PIK3CD: variants seen among roughly 807,000 people sequenced by gnomAD.
PIK3CD encodes phosphatidylinositol-4,5-bisphosphate 3-kinase catalytic subunit delta, also known as phosphatidylinositol 4,5-bisphosphate 3-kinase catalytic subunit delta isoform.
In PIK3CD, 20 loss-of-function variants were observed where a neutral mutation model predicts 122.9. The observed-to-expected ratio is 0.16, with a 90% confidence interval of 0.11 to 0.24. PIK3CD has a LOEUF of 0.24. Ranked by LOEUF, PIK3CD falls within the 10% of genes least tolerant of loss-of-function variation. PIK3CD has a pLI of 1.00. For synonymous variants in PIK3CD, 596 were observed against 593.4 expected, an observed-to-expected ratio of 1.00 and a Z score of -0.06; for missense variants, 787 against 1,406.3, an observed-to-expected ratio of 0.56 and a Z score of 7.04.
rs1016061025 is a variant in PIK3CD, at chr1:9,718,276, G to A, written c.1021-418G>A. On this transcript the variant is annotated intron_variant, in intron 8 of 23. Coordinates refer to ENST00000377346, the MANE Select transcript of PIK3CD (RefSeq NM_005026.5). This position sits in a 1 kb window ranked among gnomAD's most constrained non-coding sequence, Gnocchi z 7.2. The stretch of plus-strand genomic sequence containing the variant: ...TCAGAGGGACTTCCAGGGTGGTGGT[G>A]TCAGGTGGAATTGGAAGGGGCCGGA... 1 of 465,242 alleles carries A rather than the reference G, an allele frequency of 2.1e-6. No individual in the cohort carries two copies. Among genetic ancestry groups the A allele is most frequent in the Non-Finnish European group, 4.3e-6 (1 of 235,242 alleles). 28.8% of individuals were successfully genotyped at this position (465,242 alleles called of 1,614,324 possible).
At chr1:9,726,299 G>A (rs1649575818) in intron 23 of PIK3CD, among the ~76,000 whole-genome samples, 2 of 152,242 alleles carry the variant, frequency 1.3e-5, no homozygotes, top group Non-Finnish European at 1.5e-5. Flanking sequence ...ATGAGGTCAG[G>A]AGATCGAGAC....
chr1:9,707,277 C>A (rs886369850), intron 2 of PIK3CD, among the ~76,000 whole-genome samples: 3 of 151,496 alleles, frequency 2.0e-5, no homozygotes, highest in Non-Finnish European at 2.9e-5. Flanking sequence ...AAAGTAGAAA[C>A]CAGCCTTCAT....
chr1:9,663,594 T>G (rs1342502938), intron 1 of PIK3CD, among the ~76,000 whole-genome samples: 2 of 151,928 alleles, frequency 1.3e-5, no homozygotes, highest in Non-Finnish European at 2.9e-5. Context: ...TTAATATTTT[T>G]TTATTATACT....
At chr1:9,663,221 G>A (rs1010506774) in intron 1 of PIK3CD, among the ~76,000 whole-genome samples, 3 of 152,140 alleles carry the variant, frequency 2.0e-5, no homozygotes, top group Admixed American at 6.6e-5. Context: ...CCCAGTCGTA[G>A]TCCCCAGGGC....
intron 1 of PIK3CD, among the ~76,000 whole-genome samples, chr1:9,686,461 C>T (rs1645970866): frequency 6.6e-6 from 1 of 151,820 alleles, no homozygotes; most frequent in South Asian, 2.1e-4. Context: ...CTCGGCCTCG[C>T]AAAGTGCTGA....
In PIK3CD at chr1:9,715,546, G is replaced by T; in HGVS notation, c.147G>T (p.Leu49=). 1 of 1,613,310 alleles carries T rather than the reference G, an allele frequency of 6.2e-7. No individual in the cohort carries two copies. The highest frequency in any genetic ancestry group is 8.5e-7 in the Non-Finnish European group (1 of 1,179,962). Residue 49 remains leucine, a synonymous_variant, in exon 4 of 24, where the codon CTG becomes CTT. Transcript: ENST00000377346. This position sits in a 1 kb window ranked among gnomAD's most constrained non-coding sequence, Gnocchi z 4.1. The part of the protein sequence containing the change: ...NANLSTIKQL[L]WHRAQYEPLF... ...ACCGGTGACTGTCCCTCCAGCTGCTGTGGCACCGCGCCCAGTATGAGCCGC... is the reference window on the plus strand; with the variant it reads ...ACCGGTGACTGTCCCTCCAGCTGCTTTGGCACCGCGCCCAGTATGAGCCGC...
chr1:9,683,415 G>A (rs1357857793), intron 1 of PIK3CD, among the ~76,000 whole-genome samples: 2 of 150,872 alleles, frequency 1.3e-5, no homozygotes, highest in African/African-American at 2.4e-5. Context: ...TCCAGCCTGG[G>A]CGACAGAGTG....
At position 9,662,991 on chromosome 1, in the gene PIK3CD, G is replaced by A. The variant is rs139866652; in HGVS notation, c.-138+11189G>A. On this transcript the variant is annotated intron_variant, in intron 1 of 23. Coordinates refer to ENST00000377346, the MANE Select transcript of PIK3CD (RefSeq NM_005026.5). ...GGCGTGAGCCACTGCACCTGGCAGC[G>A]GTTCCATTTCTTTATCAAACTATTG... Among the ~76,000 whole-genome samples the A allele has an allele frequency of 3.4e-3, 512 of 152,226 alleles. 5 individuals carry two copies. Among genetic ancestry groups the A allele is most frequent in the East Asian group, 0.022 (116 of 5,170 alleles).
intron 2 of PIK3CD, among the ~76,000 whole-genome samples, chr1:9,709,131 G>A (rs151155693): frequency 6.0e-4 from 92 of 152,150 alleles, no homozygotes; most frequent in African/African-American, 2.1e-3. Context: ...CTGGGTTCAA[G>A]CGATTCTCCT....
chr1:9,720,230 C>A lies in PIK3CD; in HGVS notation c.1458C>A (p.Pro486=). Residue 486 remains proline, a synonymous_variant, in exon 11 of 24, where the codon CCC becomes CCA. Transcript: ENST00000377346. This position sits in a 1 kb window ranked among gnomAD's most constrained non-coding sequence, Gnocchi z 9.0. ...TGGCCCCGCACCCCGTGTACTACCC[C>A]GCCCTGGAGAAGGTCAGTGGGGGCC... ...PEVAPHPVYY[P]ALEKILELGR... 6.2e-7 allele frequency: 1 copy of A among 1,606,390 alleles called. No homozygotes were observed. Among genetic ancestry groups the A allele is most frequent in the Non-Finnish European group, 8.5e-7 (1 of 1,175,020 alleles).
Position 9,660,151 on chromosome 1 carries a change from G to A in PIK3CD, c.-138+8349G>A, listed in dbSNP as rs551844414. Among the ~76,000 whole-genome samples the A allele has an allele frequency of 3.7e-3, 567 of 152,314 alleles. 5 individuals are homozygous for A. The highest frequency in any genetic ancestry group is 0.013 in the African/African-American group (522 of 41,572). On this transcript the variant is annotated intron_variant, in intron 1 of 23. Transcript: ENST00000377346. ...TGGTCTCAAACTCCTGACCTAAAGC[G>A]ATCTGCTCGCTCGGCCTCCCAAAGT...
rs1648879813 is a variant in PIK3CD at position 9,722,724 on chromosome 1, C to T, written c.2426+118C>T. On this transcript the variant is annotated intron_variant, in intron 19 of 23. Transcript: ENST00000377346. This position sits in a 1 kb window ranked among gnomAD's most constrained non-coding sequence, Gnocchi z 7.6. ...CATCTCAGCCGGGGAAAGGGCTTTC[C>T]TAGGAAGACCCGGAGGCGGTTTAAC... 1.9e-5 allele frequency: 17 copies of T among 887,848 alleles called. No homozygotes were observed. Among genetic ancestry groups the T allele is most frequent in the Admixed American group, 5.9e-5 (3 of 50,924 alleles). 55.0% of individuals were successfully genotyped at this position (887,848 alleles called of 1,614,324 possible).
rs1649015450 is a variant in PIK3CD, at chr1:9,723,492, A to G, written c.2594+200A>G. Among the ~76,000 whole-genome samples, 1 of 152,194 alleles carries G rather than the reference A, an allele frequency of 6.6e-6. No individual in the cohort carries two copies. The highest frequency in any genetic ancestry group is 6.5e-5 in the Admixed American group (1 of 15,272). ...CAAGTATCAGTGTCTCTTGCTATGC[A>G]ACACCATCCAAAGCGCAGGGCTTTA... On this transcript the variant is annotated intron_variant, in intron 20 of 23. Coordinates refer to ENST00000377346, the MANE Select transcript of PIK3CD (RefSeq NM_005026.5). This position sits in a 1 kb window ranked among gnomAD's most constrained non-coding sequence, Gnocchi z 4.9.
chr1:9,703,573 G>C (rs1646726957), intron 2 of PIK3CD, among the ~76,000 whole-genome samples: 1 of 152,202 alleles, frequency 6.6e-6, no homozygotes, highest in Non-Finnish European at 1.5e-5. Flanking sequence ...AATTCTGCCT[G>C]TGTTTGTTTC....
chr1:9,633,248 G>A, the PIK3CD span, among the ~76,000 whole-genome samples: 4 of 152,256 alleles, frequency 2.6e-5, no homozygotes, highest in South Asian at 2.1e-4. Flanking sequence ...TTTGTCAGGC[G>A]TGGTTTCCTG....
chr1:9,649,397 A>T (rs1340323043), upstream of PIK3CD, among the ~76,000 whole-genome samples: 1 of 151,578 alleles, frequency 6.6e-6, no homozygotes, highest in East Asian at 2.0e-4. Flanking sequence ...AACCCGGCTA[A>T]TTTTTTCTAT....
At chr1:9,711,893 ATC>A (rs1282713140) in intron 3 of PIK3CD, among the ~76,000 whole-genome samples, 1 of 150,252 alleles carries the variant, frequency 6.7e-6, no homozygotes, top group Non-Finnish European at 1.5e-5. Context: ...AGTAAACAAC[ATC>A]TCTTTTTCTT....
At chr1:9,714,985 A>G (rs1304622335) in intron 3 of PIK3CD, among the ~76,000 whole-genome samples, 2 of 152,124 alleles carry the variant, frequency 1.3e-5, no homozygotes, top group Non-Finnish European at 2.9e-5. Context: ...AGCTTGGCCA[A>G]TGTAGCGAAA....
Position 9,718,027 on chromosome 1 carries a change from C to T in PIK3CD, c.1020+401C>T, listed in dbSNP as rs926450627. 5.5e-5 allele frequency: 26 copies of T among 472,914 alleles called. No homozygotes were observed. The highest frequency in any genetic ancestry group is 4.7e-4 in the African/African-American group (24 of 51,196). 29.3% of individuals were successfully genotyped at this position (472,914 alleles called of 1,614,324 possible). On this transcript the variant is annotated intron_variant, in intron 8 of 23. Coordinates refer to ENST00000377346, the MANE Select transcript of PIK3CD (RefSeq NM_005026.5). This position sits in a 1 kb window ranked among gnomAD's most constrained non-coding sequence, Gnocchi z 7.2. Reference sequence around the variant, plus strand: ...GTGCCTGCAGCCTGTGAGGGCTGCACCTGCCTCAACCTCTAGGGGCTGAGC... The same window carrying T: ...GTGCCTGCAGCCTGTGAGGGCTGCATCTGCCTCAACCTCTAGGGGCTGAGC...
Sources: gnomAD v4.1 joint callset for allele counts (sites outside exome capture counted in the v4.1 genomes callset) on GRCh38, gnomAD v4.1.1 for gene constraint, Gnocchi (gnomAD v3.1) non-coding constraint, MANE v1.5 for transcripts, NCBI Gene and HGNC (gene_info 2026-07-23, HGNC 2026-07-21) for gene names.